Variants in TMEM209 observed in about 807,000 individuals in gnomAD.
TMEM209 encodes the protein transmembrane protein 209, also known as testicular tissue protein Li 202.
A neutral mutation model predicts 76.2 loss-of-function variants in TMEM209; 65 were observed. The observed-to-expected ratio is 0.85, with a 90% CI of 0.70 to 1.05. The LOEUF is 1.05. Ranked by LOEUF, TMEM209 falls within the 50% of genes least tolerant of loss-of-function variation. The probability of loss-of-function intolerance (pLI) is 0.00; values close to 1 mark genes in which losing one functional copy is unlikely to be tolerated. For missense variants in TMEM209, 623 were observed against 685.5 expected, an observed-to-expected ratio of 0.91 and a Z score of 1.02; for synonymous variants, 239 against 237.6, an observed-to-expected ratio of 1.01 and a Z score of -0.06.
chr7:130,193,487 C>A lies in TMEM209; in HGVS notation c.574-664G>T, dbSNP rs566644004. 2.0e-5 allele frequency among the ~76,000 whole-genome samples: 3 copies of A among 151,186 alleles called. No individual in the cohort carries two copies. The East Asian group carries it at 5.8e-4, about 29-fold the overall frequency. On this transcript the variant is annotated intron_variant, in intron 5 of 14. Coordinates refer to ENST00000397622, the MANE Select transcript of TMEM209 (RefSeq NM_032842.4). ...CCGGGAGGCGGAGGTTGTGGCGAGCCAAGATCGCGCGACTGCACTCCAGCC... is the reference window on the plus strand; with the variant it reads ...CCGGGAGGCGGAGGTTGTGGCGAGCAAAGATCGCGCGACTGCACTCCAGCC...
chr7:130,198,439 C>T (rs1363267607), intron 5 of TMEM209, among the ~76,000 whole-genome samples: 10 of 151,948 alleles, frequency 6.6e-5, no homozygotes, highest in Non-Finnish European at 1.3e-4. Context: ...GGTGAAACCC[C>T]GTCTCTACTA....
chr7:130,166,380 C>A lies in TMEM209; in HGVS notation c.*71G>T, dbSNP rs1796882579. 1.6e-6 allele frequency: 2 copies of A among 1,283,522 alleles called. No individual in the cohort carries two copies. Among genetic ancestry groups the A allele is most frequent in the Non-Finnish European group, 2.2e-6 (2 of 925,862 alleles). The allele number at this position is 1,283,522 out of a possible 1,614,324, so 79.5% of individuals were successfully genotyped here. ...TATTTTATTTCAGAAGAGTCAGTGGCTCAGAGATGTTTAGTTTCGACTTCT... is the reference window on the plus strand; with the variant it reads ...TATTTTATTTCAGAAGAGTCAGTGGATCAGAGATGTTTAGTTTCGACTTCT... On this transcript the variant is annotated 3_prime_UTR_variant, in exon 15 of 15. Coordinates refer to ENST00000397622, the MANE Select transcript of TMEM209 (RefSeq NM_032842.4).
At position 130,164,781 on chromosome 7, in the gene TMEM209, A is replaced by G. The variant is rs747697831; in HGVS notation, c.*1670T>C. ...ATGCAACTAGTTTAACAGCATGACA[A>G]TTGTTATTCCAAGACATCTTCAGTA... On this transcript the variant is annotated 3_prime_UTR_variant, in exon 15 of 15. Transcript: ENST00000397622. 2 of 152,162 alleles carry G rather than the reference A, an allele frequency of 1.3e-5. No individual in the cohort carries two copies. The highest frequency in any genetic ancestry group is 2.9e-5 in the Non-Finnish European group (2 of 68,004). The allele number at this position is 152,162 out of a possible 1,614,324, so 9.4% of individuals were successfully genotyped here.
intron 3 of TMEM209, among the ~76,000 whole-genome samples, chr7:130,203,112 G>C (rs553811333): frequency 4.6e-5 from 7 of 151,932 alleles, no homozygotes; most frequent in Non-Finnish European, 8.8e-5. Context: ...ATTATGTGTA[G>C]GTAATTTACT....
chr7:130,172,538 G>A (rs889937035), intron 13 of TMEM209, among the ~76,000 whole-genome samples: 1 of 152,062 alleles, frequency 6.6e-6, no homozygotes, highest in African/African-American at 2.4e-5. Context: ...TAGAGACAGG[G>A]TTTCACTGTG....
intron 13 of TMEM209, 107 bp from the exon 14 acceptor site, chr7:130,170,580 T>A: frequency 1.2e-6 from 1 of 861,218 alleles, no homozygotes; most frequent in Non-Finnish European, 1.8e-6. Context: ...CAGAATTCCA[T>A]ATAATTCAGA....
Position 130,178,466 on chromosome 7 carries a change from CA to C in TMEM209, c.1181del (p.Leu394Ter). ...GGTCTAGATACTGAACGATTGTGTT[CA>C]AAGTCGGAATGAGAGGCGCTTTAAC... is the stretch of plus-strand genomic sequence containing the variant. ...ALVKAPLIPT[L>X]NTIVQYLDLT... On this transcript the variant is annotated frameshift_variant, in exon 10 of 15. Coordinates refer to ENST00000397622, the MANE Select transcript of TMEM209 (RefSeq NM_032842.4). LOFTEE classifies it high-confidence loss of function. 6.2e-7 allele frequency: 1 copy of C among 1,613,730 alleles called. No individual in the cohort carries two copies. Among genetic ancestry groups the C allele is most frequent in the Non-Finnish European group, 8.5e-7 (1 of 1,179,806 alleles).
chr7:130,186,049 C>A (rs1458095245), intron 6 of TMEM209, among the ~76,000 whole-genome samples: 1 of 152,140 alleles, frequency 6.6e-6, no homozygotes, highest in Non-Finnish European at 1.5e-5. Context: ...TCCTTGAAAG[C>A]AGGGAGCATT....
At chr7:130,205,335 CCAAGACAGG>C (rs1798413725) in intron 1 of TMEM209, 29 bp downstream of exon 1, 5 of 1,613,912 alleles carry the variant, frequency 3.1e-6, no homozygotes, top group East Asian at 2.2e-5. Context: ...CGCGTAGATT[CCAAGACAGG>C]AAGCACAAAC....
Position 130,178,498 on chromosome 7 carries a change from C to T in TMEM209, c.1150G>A (p.Ala384Thr). 1 of 1,613,754 alleles carries T rather than the reference C, an allele frequency of 6.2e-7. No individual in the cohort carries two copies. The highest frequency in any genetic ancestry group is 1.1e-5 in the South Asian group (1 of 91,064). Residue 384 changes from alanine (A) to threonine (T), a missense_variant, in exon 10 of 15, where the codon GCC (alanine) becomes ACC (threonine). Physicochemically the swap from Ala to Thr is moderately conservative, Grantham distance 58. Coordinates refer to ENST00000397622, the MANE Select transcript of TMEM209 (RefSeq NM_032842.4). Reference sequence around the variant, plus strand: ...GGAATGAGAGGCGCTTTAACCAGGGCAGCTTGTTTCAAGCTAGTAATACTA... The same window carrying T: ...GGAATGAGAGGCGCTTTAACCAGGGTAGCTTGTTTCAAGCTAGTAATACTA... ...EASITSLKQAALVKAPLIPTL... is the reference protein window; with the variant it reads ...EASITSLKQATLVKAPLIPTL...
rs575415202 is a variant in TMEM209, at chr7:130,184,967, G to A, written c.951+225C>T. On this transcript the variant is annotated intron_variant, in intron 7 of 14. Coordinates refer to ENST00000397622, the MANE Select transcript of TMEM209 (RefSeq NM_032842.4). ...CAATGTAAAAATATGTTTCAGGCAG[G>A]GCGCTAAGGTGAACTGTGTGTCACA... Among the ~76,000 whole-genome samples, 17 of 152,200 alleles carry A rather than the reference G, an allele frequency of 1.1e-4. 1 individual carries two copies. The highest frequency in any genetic ancestry group is 3.4e-3 in the Middle Eastern group (1 of 294).
At chr7:130,196,920 ATAGTGGC>A (rs1215194462) in intron 5 of TMEM209, among the ~76,000 whole-genome samples, 1 of 152,188 alleles carries the variant, frequency 6.6e-6, no homozygotes, top group African/African-American at 2.4e-5. Context: ...GTAAGATGGC[ATAGTGGC>A]TACAAACCAT....
intron 10 of TMEM209, among the ~76,000 whole-genome samples, chr7:130,176,382 A>G (rs966753150): frequency 3.9e-5 from 6 of 152,044 alleles, no homozygotes; most frequent in Admixed American, 1.3e-4. Context: ...GGGCCTCCCA[A>G]AGTGCTGGGA....
At chr7:130,201,685 G>T in intron 5 of TMEM209, 165 bp downstream of exon 5, 1 of 837,060 alleles carries the variant, frequency 1.2e-6, no homozygotes, top group Non-Finnish European at 1.8e-6. Context: ...TTCATTTTAA[G>T]ATGTTGTGTT....
At chr7:130,192,304 A>G (rs1797824399) in intron 6 of TMEM209, 2 of 256,172 alleles carry the variant, frequency 7.8e-6, no homozygotes, top group East Asian at 1.7e-4. Context: ...AGAGACAGCT[A>G]TAATTTGAGT....
intron 6 of TMEM209, among the ~76,000 whole-genome samples, chr7:130,189,732 C>G (rs150098626): frequency 3.5e-4 from 53 of 152,284 alleles, no homozygotes; most frequent in African/African-American, 1.2e-3. Context: ...ACATTATAAA[C>G]TCATGGTTTT....
Position 130,205,226 on chromosome 7 carries a change from T to C in TMEM209, c.3+147A>G, listed in dbSNP as rs925701018. The C allele has an allele frequency of 3.1e-6, 5 of 1,593,794 alleles. No individual in the cohort carries two copies. In the African/African-American group the frequency reaches 5.4e-5, roughly 17 times the overall value. ...CTGGGCACGAACTTCAGCAACCCTA[T>C]TGCTTCTTTCTTCCCTTCCCCTAGA... On this transcript the variant is annotated intron_variant, in intron 1 of 14. Coordinates refer to ENST00000397622, the MANE Select transcript of TMEM209 (RefSeq NM_032842.4).
At chr7:130,186,557 A>G (rs1018792789) in intron 6 of TMEM209, among the ~76,000 whole-genome samples, 1 of 152,252 alleles carries the variant, frequency 6.6e-6, no homozygotes, top group South Asian at 2.1e-4. Flanking sequence ...GTCATAACAG[A>G]GCATAAAGTT....
rs1797836888 is a variant in TMEM209, at chr7:130,192,662, A to G, written c.735T>C (p.Phe245=). The G allele has an allele frequency of 6.2e-7, 1 of 1,613,762 alleles. No individual in the cohort carries two copies. The highest frequency in any genetic ancestry group is 2.2e-5 in the East Asian group (1 of 44,870). ...YMTDLRTLDT[F]LRSEEEKQHR... ...GCTGTTTCTCCTCTTCACTTCTGAG[A>G]AAAGTATCCAAAGTTCGTAGGTCGG... Residue 245 remains phenylalanine (F), a synonymous_variant, in exon 6 of 15, where the codon TTT becomes TTC. Coordinates refer to ENST00000397622, the MANE Select transcript of TMEM209 (RefSeq NM_032842.4).
Sources: gnomAD v4.1 joint callset for allele counts (sites outside exome capture counted in the v4.1 genomes callset) on GRCh38, gnomAD v4.1.1 for gene constraint, MANE v1.5 for transcripts, NCBI Gene and HGNC (gene_info 2026-07-23, HGNC 2026-07-21) for gene names.